The following CCDC178 variants were observed in gnomAD, a reference collection of about 807,000 sequenced individuals.
The protein encoded by CCDC178 is coiled-coil domain containing 178, also known as coiled-coil domain-containing protein 178.
CCDC178 carries 126 observed loss-of-function variants against 117.4 expected under a neutral mutation model. The observed-to-expected ratio is 1.07, with a 90% CI of 0.93 to 1.24. The LOEUF is 1.24. Ranked by LOEUF, CCDC178 falls within the 50% of genes most tolerant of loss-of-function variation. The pLI is 0.00. For missense variants in CCDC178, 1,030 were observed against 986.9 expected, an observed-to-expected ratio of 1.04 and a Z score of -0.59; for synonymous variants, 283 against 313.4, an observed-to-expected ratio of 0.90 and a Z score of 1.02.
At chr18:33,146,943 T>C (rs1568016694) in intron 20 of CCDC178, among the ~76,000 whole-genome samples, 1 of 152,162 alleles carries the variant, frequency 6.6e-6, no homozygotes, top group Non-Finnish European at 1.5e-5. Context: ...CTTACAGTCC[T>C]TGGACTCCCA....
At chr18:33,318,919 T>A (rs2062460914) in intron 11 of CCDC178, among the ~76,000 whole-genome samples, 1 of 152,092 alleles carries the variant, frequency 6.6e-6, no homozygotes, top group Non-Finnish European at 1.5e-5. Context: ...GAATCAACAA[T>A]TCTACAAGAA....
intron 2 of CCDC178, among the ~76,000 whole-genome samples, chr18:33,428,721 ACT>A (rs1245292806): frequency 7.7e-6 from 1 of 129,942 alleles, no homozygotes; most frequent in African/African-American, 3.0e-5. Flanking sequence ...ACAGAGTGAG[ACT>A]CTGTCTCAAA....
intron 22 of CCDC178, among the ~76,000 whole-genome samples, chr18:32,969,579 T>C (rs76568550): frequency 0.01 from 1,543 of 152,160 alleles, 30 homozygotes; most frequent in African/African-American, 0.035. Flanking sequence ...CCAAAGCCTT[T>C]GTCTTTCAGG....
chr18:33,369,623 T>C (rs2063268882), intron 6 of CCDC178, among the ~76,000 whole-genome samples: 1 of 152,024 alleles, frequency 6.6e-6, no homozygotes, highest in East Asian at 1.9e-4. Flanking sequence ...AGAATCATTA[T>C]ATTCCTTTTC....
Position 33,370,160 on chromosome 18 carries a change from G to T in CCDC178, c.238C>A (p.Pro80Thr), listed in dbSNP as rs374081389. The change falls in exon 6 of 23, where the codon CCA becomes ACA. Residue 80 changes from proline (P) to threonine (T), a missense_variant. Physicochemically the swap from Pro to Thr is conservative, Grantham distance 38. Transcript: ENST00000383096. ...GVNKGIYFSY[P>T]CRRHSCAVVN... ...ACGGCACAGCTGTGACGTCGACATG[G>T]GTAGCTAAAGTAAATGCCTTTATTC... 1.9e-6 allele frequency: 3 copies of T among 1,601,690 alleles called. No individual in the cohort carries two copies. Among genetic ancestry groups the T allele is most frequent in the African/African-American group, 2.7e-5 (2 of 73,860 alleles).
intron 20 of CCDC178, among the ~76,000 whole-genome samples, chr18:33,167,271 T>A (rs271461): frequency 0.089 from 13,595 of 152,170 alleles, 731 homozygotes; most frequent in African/African-American, 0.15. Flanking sequence ...GGTAGAGTGA[T>A]TTATGTATAC....
At chr18:33,359,221 C>A (rs1432622745) in intron 6 of CCDC178, among the ~76,000 whole-genome samples, 1 of 151,696 alleles carries the variant, frequency 6.6e-6, no homozygotes, top group Non-Finnish European at 1.5e-5. Flanking sequence ...TCAGCTTGAT[C>A]TTTATAGCTC....
chr18:32,992,508 C>T (rs1264972865), intron 21 of CCDC178, among the ~76,000 whole-genome samples: 1 of 151,836 alleles, frequency 6.6e-6, no homozygotes, highest in African/African-American at 2.4e-5. Context: ...TGAAGACTTA[C>T]AGAAAATGGA....
intron 6 of CCDC178, among the ~76,000 whole-genome samples, chr18:33,364,843 A>G (rs1199322366): frequency 6.6e-6 from 1 of 151,704 alleles, no homozygotes; most frequent in Non-Finnish European, 1.5e-5. Flanking sequence ...AAAAATTTCA[A>G]TTGACAAACA....
chr18:33,435,182 A>G (rs1046252257), intron 2 of CCDC178, among the ~76,000 whole-genome samples: 1 of 152,168 alleles, frequency 6.6e-6, no homozygotes, highest in Non-Finnish European at 1.5e-5. Flanking sequence ...TTTTTTAAAA[A>G]GAGCAATTTT....
At chr18:33,126,867 G>C (rs992519718) in intron 20 of CCDC178, among the ~76,000 whole-genome samples, 1 of 151,460 alleles carries the variant, frequency 6.6e-6, no homozygotes, top group Non-Finnish European at 1.5e-5. Flanking sequence ...CATTTGGCCA[G>C]CTTAGCCTCC....
At chr18:33,346,942 T>G (rs1302992923) in intron 8 of CCDC178, among the ~76,000 whole-genome samples, 1 of 152,178 alleles carries the variant, frequency 6.6e-6, no homozygotes, top group Non-Finnish European at 1.5e-5. Flanking sequence ...TAATCCTCAA[T>G]TAACTCCTTT....
intron 11 of CCDC178, among the ~76,000 whole-genome samples, chr18:33,317,139 T>C (rs142654415): frequency 2.8e-3 from 423 of 152,210 alleles, no homozygotes; most frequent in African/African-American, 9.6e-3. Flanking sequence ...CTTTGTTCTT[T>C]CGCTCTTTGC....
intron 18 of CCDC178, among the ~76,000 whole-genome samples, chr18:33,222,045 T>C (rs544229609): frequency 6.6e-6 from 1 of 152,262 alleles, no homozygotes; most frequent in Non-Finnish European, 1.5e-5. Context: ...AAGAAAATGC[T>C]CACTAGTTTA....
At chr18:33,131,830 C>T (rs966011220) in intron 20 of CCDC178, among the ~76,000 whole-genome samples, 1 of 151,672 alleles carries the variant, frequency 6.6e-6, no homozygotes, top group Non-Finnish European at 1.5e-5. Flanking sequence ...AAATATAATT[C>T]CAGGCCCAAG....
intron 17 of CCDC178, 141 bp from the exon 18 acceptor site, chr18:33,223,360 T>A: frequency 1.0e-6 from 1 of 1,004,050 alleles, no homozygotes; most frequent in Non-Finnish European, 1.3e-6. Flanking sequence ...CACACATAAA[T>A]TACAGAAATA....
intron 20 of CCDC178, 66 bp from the exon 21 acceptor site, chr18:33,092,976 G>T: frequency 1.0e-6 from 1 of 1,003,432 alleles, no homozygotes; most frequent in Non-Finnish European, 1.4e-6. Flanking sequence ...AAATCATTTG[G>T]ATTTGTTTGA....
intron 11 of CCDC178, among the ~76,000 whole-genome samples, chr18:33,318,750 C>T (rs1378615304): frequency 6.6e-6 from 1 of 151,812 alleles, no homozygotes; most frequent in Non-Finnish European, 1.5e-5. Context: ...AAATTCATAA[C>T]AAAGAGATGG....
chr18:33,000,122 T>A (rs1412623686), intron 21 of CCDC178, among the ~76,000 whole-genome samples: 1 of 151,408 alleles, frequency 6.6e-6, no homozygotes, highest in African/African-American at 2.4e-5. Context: ...CAGAATCCTA[T>A]CAAAAATATT....
Sources: allele counts gnomAD v4.1 joint callset (sites outside exome capture counted in the v4.1 genomes callset), GRCh38; gene constraint gnomAD v4.1.1; transcripts MANE v1.5; gene names NCBI Gene and HGNC (gene_info 2026-07-23, HGNC 2026-07-21).